Variants in KCNH8 observed in about 807,000 individuals in gnomAD.
The protein encoded by KCNH8 is voltage-gated delayed rectifier potassium channel KCNH8.
KCNH8 carries 70 observed loss-of-function variants against 103.6 expected under a neutral mutation model. The observed-to-expected ratio is 0.68, with a 90% CI of 0.56 to 0.82. The LOEUF (loss-of-function observed/expected upper bound fraction) is 0.82, where lower values mean the gene tolerates loss of function less well. Ranked by LOEUF, KCNH8 falls within the 40% of genes least tolerant of loss-of-function variation. The probability of loss-of-function intolerance (pLI) is 0.00; values close to 1 mark genes in which losing one functional copy is unlikely to be tolerated. For missense variants in KCNH8, 1,217 were observed against 1,329.9 expected (o/e 0.92, Z 1.32); for synonymous variants, 498 against 489.4 (o/e 1.02, Z -0.23).
chr3:19,367,087 C>T (rs920310933), intron 5 of KCNH8, among the ~76,000 whole-genome samples: 1 of 151,898 alleles, frequency 6.6e-6, no homozygotes, highest in African/African-American at 2.4e-5. Flanking sequence ...TCTTGTGGCT[C>T]CAGCCATACT....
intron 1 of KCNH8, among the ~76,000 whole-genome samples, chr3:19,246,274 GT>G (rs920423108): frequency 0.062 from 5,391 of 86,478 alleles, 119 homozygotes; most frequent in African/African-American, 0.17. Context: ...TGTTGTTGTT[GT>G]TTTTTTTTTT....
At chr3:19,502,706 G>A (rs2068612163) in intron 11 of KCNH8, among the ~76,000 whole-genome samples, 1 of 150,956 alleles carries the variant, frequency 6.6e-6, no homozygotes, top group Non-Finnish European at 1.5e-5. Context: ...AATGGTGCTG[G>A]GAAAACTGGC....
At chr3:19,402,142 A>T (rs1374020079) in intron 7 of KCNH8, among the ~76,000 whole-genome samples, 1 of 151,980 alleles carries the variant, frequency 6.6e-6, no homozygotes, top group South Asian at 2.1e-4. Context: ...GCTCAGAGAA[A>T]TTCTGAAGAA....
At chr3:19,329,084 A>G (rs1371425177) in intron 3 of KCNH8, among the ~76,000 whole-genome samples, 1 of 152,172 alleles carries the variant, frequency 6.6e-6, no homozygotes, top group Admixed American at 6.5e-5. Flanking sequence ...GTCAGATAAC[A>G]TCTTCCTCAT....
intron 15 of KCNH8, among the ~76,000 whole-genome samples, chr3:19,519,711 C>G (rs2068939272): frequency 6.6e-6 from 1 of 151,774 alleles, no homozygotes; most frequent in African/African-American, 2.4e-5. Context: ...TGCAACTCCC[C>G]GTTGGAGAAC....
intron 3 of KCNH8, among the ~76,000 whole-genome samples, chr3:19,328,393 C>T (rs181974675): frequency 1.3e-5 from 2 of 152,154 alleles, no homozygotes; most frequent in Admixed American, 6.5e-5. Flanking sequence ...AAACCGTTTC[C>T]ATCAGTTTTA....
chr3:19,507,423 G>C (rs2125238686), intron 11 of KCNH8, among the ~76,000 whole-genome samples: 1 of 152,284 alleles, frequency 6.6e-6, no homozygotes, highest in Admixed American at 6.5e-5. Context: ...GGGGGCCTGG[G>C]CTCACAGGGA....
intron 3 of KCNH8, among the ~76,000 whole-genome samples, chr3:19,337,025 T>C (rs1429141530): frequency 6.6e-6 from 1 of 152,048 alleles, no homozygotes; most frequent in African/African-American, 2.4e-5. Flanking sequence ...AGATCCATTT[T>C]GACCCAACAT....
intron 11 of KCNH8, among the ~76,000 whole-genome samples, chr3:19,477,813 A>T (rs2068007875): frequency 6.6e-6 from 1 of 152,166 alleles, no homozygotes; most frequent in Non-Finnish European, 1.5e-5. Flanking sequence ...ACAAGTACAG[A>T]TTCCTTACAT....
chr3:19,471,701 A>G (rs2067859871), intron 11 of KCNH8, among the ~76,000 whole-genome samples: 1 of 152,212 alleles, frequency 6.6e-6, no homozygotes, highest in Non-Finnish European at 1.5e-5. Flanking sequence ...ATCCTTTAGC[A>G]AGTAAGCAAG....
chr3:19,349,968 G>T (rs2065777732), intron 5 of KCNH8, among the ~76,000 whole-genome samples: 1 of 152,042 alleles, frequency 6.6e-6, no homozygotes, highest in Non-Finnish European at 1.5e-5. Context: ...TTTAGGATTT[G>T]AAATTTTGGT....
At chr3:19,494,910 A>G (rs1363316544) in intron 11 of KCNH8, among the ~76,000 whole-genome samples, 1 of 151,992 alleles carries the variant, frequency 6.6e-6, no homozygotes, top group Non-Finnish European at 1.5e-5. Context: ...GTGAAATACT[A>G]TTTCATTGTG....
chr3:19,189,554 G>A (rs1291838054), intron 1 of KCNH8, among the ~76,000 whole-genome samples: 1 of 151,696 alleles, frequency 6.6e-6, no homozygotes, highest in Non-Finnish European at 1.5e-5. Flanking sequence ...AGTATGACTT[G>A]GTTTTCTTAG....
chr3:19,484,726 C>T (rs1019658222), intron 11 of KCNH8, among the ~76,000 whole-genome samples: 6 of 152,108 alleles, frequency 3.9e-5, no homozygotes, highest in Non-Finnish European at 7.3e-5. Flanking sequence ...TTGATCCACA[C>T]GCGATCACCT....
intron 5 of KCNH8, among the ~76,000 whole-genome samples, chr3:19,376,166 G>A (rs1449011457): frequency 1.3e-5 from 2 of 152,232 alleles, no homozygotes; most frequent in African/African-American, 4.8e-5. Context: ...ACCTAAGCAA[G>A]CCTGGGCAAT....
At chr3:19,175,612 T>C (rs2063392248) in intron 1 of KCNH8, among the ~76,000 whole-genome samples, 2 of 152,364 alleles carry the variant, frequency 1.3e-5, no homozygotes, top group South Asian at 4.1e-4. Context: ...TGAGACTAAA[T>C]AGTTAAAATA....
intron 3 of KCNH8, among the ~76,000 whole-genome samples, chr3:19,338,669 A>G (rs1342982846): frequency 6.6e-6 from 1 of 152,092 alleles, no homozygotes; most frequent in Non-Finnish European, 1.5e-5. Flanking sequence ...GTGATTACAT[A>G]CAGTTTTACA....
intron 7 of KCNH8, among the ~76,000 whole-genome samples, chr3:19,428,447 G>A (rs1575055634): frequency 6.6e-6 from 1 of 152,174 alleles, no homozygotes; most frequent in Non-Finnish European, 1.5e-5. Context: ...ACGGAACTGG[G>A]ATGCTGAATT....
intron 3 of KCNH8, among the ~76,000 whole-genome samples, chr3:19,287,329 G>C (rs1460949244): frequency 6.6e-6 from 1 of 152,114 alleles, no homozygotes; most frequent in African/African-American, 2.4e-5. Context: ...GGACAGAGAT[G>C]TGCCCATTGG....
Sources: gnomAD v4.1 joint callset for allele counts (sites outside exome capture counted in the v4.1 genomes callset) on GRCh38, gnomAD v4.1.1 for gene constraint, MANE v1.5 for transcripts, NCBI Gene and HGNC (gene_info 2026-07-23, HGNC 2026-07-21) for gene names.